Variants in USP8 observed in about 807,000 individuals in gnomAD.
The protein encoded by USP8 is ubiquitin specific peptidase 8.
In USP8, 27 loss-of-function variants were observed where a neutral mutation model predicts 130.0. The observed-to-expected ratio is 0.21, with a 90% CI of 0.15 to 0.29. The LOEUF (loss-of-function observed/expected upper bound fraction) is 0.29. USP8 is among the 10% of genes least tolerant of loss of function. The probability of loss-of-function intolerance (pLI) is 1.00; values close to 1 mark genes in which losing one functional copy is unlikely to be tolerated. For synonymous variants in USP8, 392 were observed against 444.1 expected (o/e 0.88, Z 1.48); for missense variants, 1,029 against 1,312.2 (o/e 0.78, Z 3.33).
chr15:50,428,133 TTTGAGAGGGAGTC>T (rs2141242274), intron 1 of USP8, among the ~76,000 whole-genome samples: 1 of 151,956 alleles, frequency 6.6e-6, no homozygotes, highest in Admixed American at 6.6e-5. Flanking sequence ...TTTGTTTGTT[TTTGAGAGGGAGTC>T]TTGCTCTGTC....
At position 50,478,394 on chromosome 15, in the gene USP8, A is replaced by G. The variant is rs932009862; in HGVS notation, c.1218+895A>G. ...CATGCATTTCCCAATAACATTTTTT[A>G]GCATTCATTTTTAATTTTTTCCCCA... On this transcript the variant is annotated intron_variant, in intron 10 of 19. Transcript: ENST00000307179. Among the ~76,000 whole-genome samples the G allele has an allele frequency of 6.1e-4, 93 of 152,198 alleles. 1 individual carries two copies. The highest frequency in any genetic ancestry group is 2.0e-4 in the Admixed American group (3 of 15,276).
rs2050627262 is a variant in USP8 at position 50,451,461 on chromosome 15, T to C, written c.335+1976T>C. Among the ~76,000 whole-genome samples, 2 of 152,168 alleles carry C rather than the reference T, an allele frequency of 1.3e-5. 1 individual carries two copies. The highest frequency in any genetic ancestry group is 4.1e-4 in the South Asian group (2 of 4,824). On this transcript the variant is annotated intron_variant, in intron 4 of 19. Transcript: ENST00000307179. ...ATAAAGGAAGTCATTAAGAAAATGATTCATTATTTAGATATTTACTTCTTA... is the reference window on the plus strand; with the variant it reads ...ATAAAGGAAGTCATTAAGAAAATGACTCATTATTTAGATATTTACTTCTTA...
At chr15:50,452,467 A>ATTT (rs1468994930) in intron 4 of USP8, among the ~76,000 whole-genome samples, 5 of 152,220 alleles carry the variant, frequency 3.3e-5, no homozygotes, top group Non-Finnish European at 5.9e-5. Flanking sequence ...GTAGGGGGTA[A>ATTT]GGTGTGGATA....
intron 8 of USP8, among the ~76,000 whole-genome samples, chr15:50,473,130 T>A (rs1566870088): frequency 6.6e-6 from 1 of 152,188 alleles, no homozygotes; most frequent in Non-Finnish European, 1.5e-5. Context: ...TAGTATCAGA[T>A]AAATGCATAT....
chr15:50,474,965 C>T (rs1023738826), intron 8 of USP8, among the ~76,000 whole-genome samples: 8 of 151,946 alleles, frequency 5.3e-5, no homozygotes, highest in Non-Finnish European at 8.8e-5. Flanking sequence ...AAAAATTTGC[C>T]GGGCATGATG....
Position 50,473,832 on chromosome 15 carries a change from T to C in USP8, c.849+2037T>C, listed in dbSNP as rs181444736. On this transcript the variant is annotated intron_variant, in intron 8 of 19. Transcript: ENST00000307179. ...TATATATATATATATTTTTTTAATTTAATTTAATTTTATTTATTTCGAGAT... is the reference window on the plus strand; with the variant it reads ...TATATATATATATATTTTTTTAATTCAATTTAATTTTATTTATTTCGAGAT... Among the ~76,000 whole-genome samples the C allele has an allele frequency of 4.6e-3, 698 of 151,186 alleles. 11 individuals carry two copies. The highest frequency in any genetic ancestry group is 0.045 in the South Asian group (217 of 4,798).
At chr15:50,448,041 CCTA>C (rs2050499362) in intron 3 of USP8, among the ~76,000 whole-genome samples, 1 of 152,092 alleles carries the variant, frequency 6.6e-6, no homozygotes. Context: ...CCGCACATGG[CCTA>C]CTGTTAGTTT....
chr15:50,497,365 G>A (rs1299005476), intron 18 of USP8, 134 bp downstream of exon 18: 3 of 1,120,410 alleles, frequency 2.7e-6, no homozygotes, highest in Non-Finnish European at 3.6e-6. Context: ...AGTAGATCTA[G>A]GGAAATAAAG....
chr15:50,449,890 C>CT (rs1198558839), intron 4 of USP8, among the ~76,000 whole-genome samples: 18,196 of 78,918 alleles, frequency 0.23, 2,641 homozygotes, highest in East Asian at 0.45. Context: ...CCCAATATTT[C>CT]TTTTTTTTTT....
intron 3 of USP8, among the ~76,000 whole-genome samples, chr15:50,447,892 C>A (rs779934774): frequency 6.6e-6 from 1 of 151,970 alleles, no homozygotes; most frequent in Non-Finnish European, 1.5e-5. Context: ...CGTGAGCTAC[C>A]GTGCCCAGCC....
intron 1 of USP8, among the ~76,000 whole-genome samples, chr15:50,428,538 C>A (rs2049821293): frequency 6.6e-6 from 1 of 152,124 alleles, no homozygotes; most frequent in Admixed American, 6.6e-5. Flanking sequence ...TATGTTTTCC[C>A]TATATATACA....
chr15:50,454,455 CT>C (rs112075064), intron 4 of USP8, among the ~76,000 whole-genome samples: 130 of 134,936 alleles, frequency 9.6e-4, no homozygotes, highest in South Asian at 4.8e-3. Context: ...ATTTTCTTTT[CT>C]TTTTTTTTTT....
intron 4 of USP8, among the ~76,000 whole-genome samples, chr15:50,450,716 C>T (rs1595920828): frequency 6.6e-6 from 1 of 152,056 alleles, no homozygotes; most frequent in African/African-American, 2.4e-5. Flanking sequence ...GATGATCTGC[C>T]TGCCTCGGCC....
chr15:50,449,890 CTTT>C (rs1198558839), intron 4 of USP8, among the ~76,000 whole-genome samples: 1 of 78,914 alleles, frequency 1.3e-5, no homozygotes, highest in Non-Finnish European at 2.4e-5. Context: ...CCCAATATTT[CTTT>C]TTTTTTTTTT....
chr15:50,513,519 A>T lies in USP8; in HGVS notation c.*14431A>T, dbSNP rs12903782. ...GTTCGAGACAAGAGCGAAACTGTCT[A>T]AAAAAAAAAAAAAAAAAAAGAGTGA... On this transcript the variant is annotated 3_prime_UTR_variant, in exon 20 of 20. Transcript: ENST00000307179. 50 of 61,672 alleles carry T rather than the reference A, an allele frequency of 8.1e-4. No individual in the cohort carries two copies. The highest frequency in any genetic ancestry group is 1.3e-3 in the Non-Finnish European group (38 of 28,734). 3.8% of individuals were successfully genotyped at this position (61,672 alleles called of 1,614,324 possible). A position where few individuals can be genotyped will look rare whatever the true frequency, so the allele number is the denominator to read the frequency against.
intron 13 of USP8, 26 bp from the exon 14 acceptor site, chr15:50,490,236 TG>T (rs145488982): frequency 3.2e-6 from 5 of 1,568,624 alleles, no homozygotes; most frequent in African/African-American, 2.8e-5. Flanking sequence ...TTTTTTGACC[TG>T]TTTTTTTTTT....
At chr15:50,438,199 T>C (rs2050145409) in intron 1 of USP8, among the ~76,000 whole-genome samples, 1 of 152,236 alleles carries the variant, frequency 6.6e-6, no homozygotes. Context: ...CTGCTCCAAG[T>C]TGTACTTTAC....
intron 11 of USP8, among the ~76,000 whole-genome samples, chr15:50,483,036 AT>A: frequency 6.6e-6 from 1 of 152,312 alleles, no homozygotes; most frequent in East Asian, 1.9e-4. Flanking sequence ...AAACTCTCTA[AT>A]TTTATTCACA....
At position 50,512,943 on chromosome 15, in the gene USP8, C is replaced by G. The variant is rs990215341; in HGVS notation, c.*13855C>G. 14 of 152,112 alleles carry G rather than the reference C, an allele frequency of 9.2e-5. No homozygotes were observed. Among genetic ancestry groups the G allele is most frequent in the African/African-American group, 3.1e-4 (13 of 41,418 alleles). 9.4% of individuals were successfully genotyped at this position (152,112 alleles called of 1,614,324 possible). A position where few individuals can be genotyped will look rare whatever the true frequency, so the allele number is the denominator to read the frequency against. On this transcript the variant is annotated 3_prime_UTR_variant, in exon 20 of 20. Transcript: ENST00000307179. Reference sequence around the variant, plus strand: ...CAAACCAAAAACAAAAAAGTTATTTCTAACCCATGTAACATATAACAAGGA... The same window carrying G: ...CAAACCAAAAACAAAAAAGTTATTTGTAACCCATGTAACATATAACAAGGA...
Sources: allele counts gnomAD v4.1 joint callset (sites outside exome capture counted in the v4.1 genomes callset), GRCh38; gene constraint gnomAD v4.1.1; transcripts MANE v1.5; gene names NCBI Gene and HGNC (gene_info 2026-07-23, HGNC 2026-07-21).